Variants in SS18L1 observed in about 807,000 individuals in gnomAD.
SS18L1 encodes the protein calcium-responsive transactivator.
A neutral mutation model predicts 70.3 loss-of-function variants in SS18L1; 32 were observed. The observed-to-expected ratio is 0.46, with a 90% CI of 0.34 to 0.61. SS18L1 has a LOEUF of 0.61. Among genes scored for constraint, SS18L1 ranks in the 20% least tolerant of loss-of-function variants. The pLI is 0.01. For synonymous variants in SS18L1, 237 were observed against 229.7 expected (o/e 1.03, Z -0.29); for missense variants, 430 against 542.1 (o/e 0.79, Z 2.05).
At position 62,180,213 on chromosome 20, in the gene SS18L1, G is replaced by C; in HGVS notation, c.*1005G>C. ...CCAAGCAAGCATTTCTTTTCTTTTA[G>C]GGATGTCTGAAAGTCACATCCAGTT... On this transcript the variant is annotated 3_prime_UTR_variant, in exon 11 of 11. Transcript: ENST00000331758. 4.9e-6 allele frequency: 1 copy of C among 203,946 alleles called. No homozygotes were observed. Among genetic ancestry groups the C allele is most frequent in the Non-Finnish European group, 1.0e-5 (1 of 99,554 alleles). 12.6% of individuals were successfully genotyped at this position (203,946 alleles called of 1,614,324 possible). A position where few individuals can be genotyped will look rare whatever the true frequency, so the allele number is the denominator to read the frequency against.
rs371875949 is a variant in SS18L1, at chr20:62,144,242, C to T, written c.69+353C>T. On this transcript the variant is annotated intron_variant, in intron 1 of 10. Coordinates refer to ENST00000331758, the MANE Select transcript of SS18L1 (RefSeq NM_198935.3). ...GGCGCGCGCTGGGAACTGTCCTGGG[C>T]TATGCCGGGCGCACGGGGACCCCTC... 3.6e-3 allele frequency among the ~76,000 whole-genome samples: 548 copies of T among 152,014 alleles called. 3 individuals carry two copies. Among genetic ancestry groups the T allele is most frequent in the African/African-American group, 0.013 (524 of 41,504 alleles).
chr20:62,177,791 C>T lies in SS18L1; in HGVS notation c.1165-1391C>T, dbSNP rs148194475. On this transcript the variant is annotated intron_variant, in intron 10 of 10. Coordinates refer to ENST00000331758, the MANE Select transcript of SS18L1 (RefSeq NM_198935.3). ...AGGCTGGAGTGCAGTGGCACGATCT[C>T]GCTCACTGCAGCCTCTGCCTCTCGG... 2.9e-3 allele frequency among the ~76,000 whole-genome samples: 424 copies of T among 147,734 alleles called. 3 individuals carry two copies. The highest frequency in any genetic ancestry group is 0.01 in the African/African-American group (402 of 40,012).
intron 1 of SS18L1, among the ~76,000 whole-genome samples, chr20:62,147,329 G>A (rs1254755792): frequency 6.6e-6 from 1 of 152,184 alleles, no homozygotes; most frequent in Non-Finnish European, 1.5e-5. Context: ...ACCCTGCGGT[G>A]GGGCTGGGCC....
intron 5 of SS18L1, 126 bp from the exon 6 acceptor site, chr20:62,163,332 A>G (rs1296537388): frequency 7.1e-7 from 1 of 1,400,734 alleles, no homozygotes; most frequent in African/African-American, 1.4e-5. Context: ...GCGGTGGAGG[A>G]CGCTGTCCTC....
rs1002377102 is a variant in SS18L1, at chr20:62,161,991, C to A, written c.376+411C>A. Among the ~76,000 whole-genome samples, 8 of 152,166 alleles carry A rather than the reference C, an allele frequency of 5.3e-5. No individual in the cohort carries two copies. Among genetic ancestry groups the A allele is most frequent in the Non-Finnish European group, 4.4e-5 (3 of 68,038 alleles). On this transcript the variant is annotated intron_variant, in intron 4 of 10. Transcript: ENST00000331758. The surrounding 1 kb of genome is among the most constrained non-coding windows in gnomAD (Gnocchi z 4.4). ...ATCCCAACCCTTTGTGAGGCCTAAA[C>A]CAGCAGACTACTTGAGGCCAGGAGT...
intron 1 of SS18L1, among the ~76,000 whole-genome samples, chr20:62,150,633 ATTTTTTT>A (rs34708339): frequency 6.7e-4 from 39 of 58,046 alleles, no homozygotes; most frequent in South Asian, 4.0e-3. Context: ...ATTGAGGTGG[ATTTTTTT>A]TTTTTTTTTT....
rs913535221 is a variant in SS18L1 at position 62,161,646 on chromosome 20, G to A, written c.376+66G>A. On this transcript the variant is annotated intron_variant, in intron 4 of 10. Coordinates refer to ENST00000331758, the MANE Select transcript of SS18L1 (RefSeq NM_198935.3). This position sits in a 1 kb window ranked among gnomAD's most constrained non-coding sequence, Gnocchi z 4.4. The stretch of plus-strand genomic sequence containing the variant: ...CCACCAAGGCAGCCCTTGGGCAGCC[G>A]GCTGCCATGGTGGGGCACCCCACCC... 24 of 1,551,690 alleles carry A rather than the reference G, an allele frequency of 1.5e-5. No homozygotes were observed. The highest frequency in any genetic ancestry group is 4.1e-5 in the African/African-American group (3 of 73,512).
chr20:62,159,396 C>T lies in SS18L1; in HGVS notation c.147-481C>T, dbSNP rs74748241. 1.5e-3 allele frequency among the ~76,000 whole-genome samples: 222 copies of T among 152,298 alleles called. 4 individuals carry two copies. The highest frequency in any genetic ancestry group is 5.0e-3 in the African/African-American group (207 of 41,576). On this transcript the variant is annotated intron_variant, in intron 2 of 10. Coordinates refer to ENST00000331758, the MANE Select transcript of SS18L1 (RefSeq NM_198935.3). This position sits in a 1 kb window ranked among gnomAD's most constrained non-coding sequence, Gnocchi z 4.4. ...GGGTGGGGTGAAGGGACTGGGTCCCCACTGGTGCGAGGTATACGAGGGGCC... is the reference window on the plus strand; with the variant it reads ...GGGTGGGGTGAAGGGACTGGGTCCCTACTGGTGCGAGGTATACGAGGGGCC...
At chr20:62,153,768 A>T (rs1729131446) in intron 1 of SS18L1, among the ~76,000 whole-genome samples, 1 of 151,928 alleles carries the variant, frequency 6.6e-6, no homozygotes, top group African/African-American at 2.4e-5. Flanking sequence ...GTCTCCCACC[A>T]TTGGCCGAAT....
At chr20:62,157,197 CCT>C (rs1398325955) in intron 1 of SS18L1, among the ~76,000 whole-genome samples, 1 of 152,218 alleles carries the variant, frequency 6.6e-6, no homozygotes, top group Non-Finnish European at 1.5e-5. Flanking sequence ...GGCCCCAGCC[CCT>C]GTTCCTCTGC....
At chr20:62,150,692 C>T (rs367562246) in intron 1 of SS18L1, among the ~76,000 whole-genome samples, 28 of 106,064 alleles carry the variant, frequency 2.6e-4, no homozygotes, top group Admixed American at 1.7e-3. Context: ...CTTGCTCTTT[C>T]GCCCAGGCTG....
chr20:62,176,956 G>A (rs984835451), intron 10 of SS18L1, among the ~76,000 whole-genome samples: 3 of 152,204 alleles, frequency 2.0e-5, no homozygotes, highest in Non-Finnish European at 4.4e-5. Context: ...GGCGCTGGGC[G>A]TCTCCTAGGG....
rs760237022 is a variant in SS18L1 at position 62,163,455 on chromosome 20, C to T, written c.557-3C>T. On this transcript the variant is annotated splice_polypyrimidine_tract_variant and splice_region_variant and intron_variant, in intron 5 of 10. Coordinates refer to ENST00000331758, the MANE Select transcript of SS18L1 (RefSeq NM_198935.3). ...GATGTGGGGCCTCTGTCCTGTCGTTCAGTCTCCATGATGCAGCAGCAGGCG... is the reference window on the plus strand; with the variant it reads ...GATGTGGGGCCTCTGTCCTGTCGTTTAGTCTCCATGATGCAGCAGCAGGCG... The T allele has an allele frequency of 2.5e-6, 4 of 1,612,054 alleles. No homozygotes were observed. The highest frequency in any genetic ancestry group is 3.4e-6 in the Non-Finnish European group (4 of 1,179,834).
chr20:62,167,053 T>TG (rs1356585126), intron 8 of SS18L1, among the ~76,000 whole-genome samples: 2 of 135,904 alleles, frequency 1.5e-5, no homozygotes, highest in Non-Finnish European at 3.1e-5. Flanking sequence ...TTTTTTTTTT[T>TG]TTTTTTTTTT....
In SS18L1 at chr20:62,163,546, C is replaced by T; in HGVS notation, c.645C>T (p.Ala215=). The T allele has an allele frequency of 1.2e-6, 2 of 1,611,202 alleles. 1 individual carries two copies. The highest frequency in any genetic ancestry group is 4.5e-5 in the East Asian group (2 of 44,854). Residue 215 remains alanine, a synonymous_variant, in exon 6 of 11, where the codon GCC becomes GCT. Transcript: ENST00000331758. ...ACTACCAGGGCCAGTCGTCCATCGC[C>T]ATGATGGGGCAGGGCAGCCAGGGGA... ...SQHYQGQSSI[A]MMGQGSQGSS...
chr20:62,174,424 A>G lies in SS18L1; in HGVS notation c.1037-93A>G. The G allele has an allele frequency of 6.6e-7, 1 of 1,514,550 alleles. No individual in the cohort carries two copies. Among genetic ancestry groups the G allele is most frequent in the South Asian group, 1.3e-5 (1 of 76,022 alleles). The allele number at this position is 1,514,550 out of a possible 1,614,324, so 93.8% of individuals were successfully genotyped here. On this transcript the variant is annotated intron_variant, in intron 9 of 10. Coordinates refer to ENST00000331758, the MANE Select transcript of SS18L1 (RefSeq NM_198935.3). This position sits in a 1 kb window ranked among gnomAD's most constrained non-coding sequence, Gnocchi z 4.1. ...ATTGAGACGGGAATTTTTCAAGGAG[A>G]AGAGGAAGTTTTAAAAAAAATTTTT...
In SS18L1 at chr20:62,165,431, A is replaced by G; in HGVS notation, c.833A>G (p.Asp278Gly). ...TCTCCGTTTCGCACAGGCCATGGCG[A>G]TTACGCCTACCAGCAGTCATCCTAC... is the stretch of plus-strand genomic sequence containing the variant. ...GQQYYPDGHG[D>G]YAYQQSSYTE... Residue 278 changes from aspartate (D) to glycine (G), a missense_variant, in exon 8 of 11, where the codon GAT becomes GGT. Physicochemically the swap from Asp to Gly is moderately conservative, Grantham distance 94. Transcript: ENST00000331758. 6.2e-7 allele frequency: 1 copy of G among 1,612,386 alleles called. No individual in the cohort carries two copies. Among genetic ancestry groups the G allele is most frequent in the Non-Finnish European group, 8.5e-7 (1 of 1,179,630 alleles).
chr20:62,149,594 A>T (rs1233440373), intron 1 of SS18L1, among the ~76,000 whole-genome samples: 1 of 152,178 alleles, frequency 6.6e-6, no homozygotes, highest in African/African-American at 2.4e-5. Flanking sequence ...TATCCTGCTG[A>T]TGGTGATGTG....
At chr20:62,156,429 G>T (rs367598521) in intron 1 of SS18L1, among the ~76,000 whole-genome samples, 5 of 152,224 alleles carry the variant, frequency 3.3e-5, no homozygotes, top group African/African-American at 1.2e-4. Context: ...TCTCAGGATG[G>T]CTCCTCGGCC....
Sources: gnomAD v4.1 joint callset for allele counts (sites outside exome capture counted in the v4.1 genomes callset) on GRCh38, gnomAD v4.1.1 for gene constraint, Gnocchi (gnomAD v3.1) non-coding constraint, MANE v1.5 for transcripts, NCBI Gene and HGNC (gene_info 2026-07-23, HGNC 2026-07-21) for gene names.